Variants in RIMS2 observed in about 807,000 individuals in gnomAD.
The protein encoded by RIMS2 is regulating synaptic membrane exocytosis 2.
RIMS2 carries 59 observed loss-of-function variants against 174.4 expected under a neutral mutation model. The ratio of observed to expected loss-of-function variants is 0.34; its 90% confidence interval spans 0.27 to 0.42. The LOEUF (loss-of-function observed/expected upper bound fraction) is 0.42, where lower values mean the gene tolerates loss of function less well. Ranked by LOEUF, RIMS2 falls within the 10% of genes least tolerant of loss-of-function variation. The pLI, the probability that RIMS2 is intolerant of heterozygous loss-of-function variation, is 1.00. For synonymous variants in RIMS2, 606 were observed against 572.5 expected (o/e 1.06, Z -0.84); for missense variants, 1,620 against 1,666.3 (o/e 0.97, Z 0.48).
chr8:104,207,649 C>A (rs1012532895), intron 19 of RIMS2, among the ~76,000 whole-genome samples: 1 of 151,410 alleles, frequency 6.6e-6, no homozygotes, highest in Non-Finnish European at 1.5e-5. Flanking sequence ...CTACTAAAAA[C>A]ACACACACAC....
At chr8:104,017,530 T>G (rs1181744317) in intron 19 of RIMS2, among the ~76,000 whole-genome samples, 2 of 152,172 alleles carry the variant, frequency 1.3e-5, no homozygotes, top group Non-Finnish European at 2.9e-5. Context: ...CTAACTTTTA[T>G]GTACTGCCAT....
chr8:103,720,946 T>C (rs1194452176), intron 2 of RIMS2, among the ~76,000 whole-genome samples: 1 of 152,210 alleles, frequency 6.6e-6, no homozygotes, highest in Admixed American at 6.5e-5. Flanking sequence ...GGTCTTGATA[T>C]GATTCGGATT....
intron 1 of RIMS2, among the ~76,000 whole-genome samples, chr8:103,605,801 G>T (rs71638157): frequency 6.6e-6 from 1 of 151,964 alleles, no homozygotes; most frequent in Non-Finnish European, 1.5e-5. Flanking sequence ...GGTGTTTGTA[G>T]TATTCTCTGA....
At chr8:103,952,630 T>C (rs1311240583) in intron 14 of RIMS2, among the ~76,000 whole-genome samples, 1 of 152,088 alleles carries the variant, frequency 6.6e-6, no homozygotes, top group Non-Finnish European at 1.5e-5. Context: ...AGACCAAAGA[T>C]AGATAAATCC....
rs563538593 is a variant in RIMS2, at chr8:103,982,491, C to CAAA, written c.2928-6801_2928-6799dup. Among the ~76,000 whole-genome samples the CAAA allele has an allele frequency of 1.8e-3, 235 of 127,922 alleles. 2 individuals carry two copies. The South Asian group carries it at 0.023, about 12-fold the overall frequency. 83.9% of individuals were successfully genotyped at this position (127,922 alleles called of 152,430 possible). A position where few individuals can be genotyped will look rare whatever the true frequency, so the allele number is the denominator to read the frequency against. On this transcript the variant is annotated intron_variant, in intron 16 of 23. Coordinates refer to ENST00000504942, the Ensembl canonical transcript of RIMS2. ...TCTAATGAATATTGATGCAGAAATC[C>CAAA]AAAAAAAAAAAAAAATACTAGCAAA...
intron 14 of RIMS2, among the ~76,000 whole-genome samples, chr8:103,952,393 A>G (rs2085700274): frequency 6.6e-6 from 1 of 152,174 alleles, no homozygotes; most frequent in Non-Finnish European, 1.5e-5. Context: ...CCCCTCTGGG[A>G]CAAAGCTTCC....
chr8:103,812,756 T>G (rs1352757875), intron 3 of RIMS2, among the ~76,000 whole-genome samples: 1 of 152,168 alleles, frequency 6.6e-6, no homozygotes, highest in Non-Finnish European at 1.5e-5. Context: ...TATTTTTTGC[T>G]TATATGTTAT....
At chr8:103,792,100 C>G (rs992150135) in intron 3 of RIMS2, among the ~76,000 whole-genome samples, 2 of 152,148 alleles carry the variant, frequency 1.3e-5, no homozygotes, top group African/African-American at 4.8e-5. Flanking sequence ...GTCTCCACCC[C>G]AAATCAACAG....
At chr8:103,777,387 C>T (rs973891009) in intron 3 of RIMS2, among the ~76,000 whole-genome samples, 1 of 151,838 alleles carries the variant, frequency 6.6e-6, no homozygotes, top group Non-Finnish European at 1.5e-5. Context: ...CTTTCCAAAA[C>T]ATTTTCACTG....
At chr8:104,118,251 A>C (rs1030815779) in intron 19 of RIMS2, among the ~76,000 whole-genome samples, 1 of 152,102 alleles carries the variant, frequency 6.6e-6, no homozygotes, top group Non-Finnish European at 1.5e-5. Context: ...ACTTATAAGA[A>C]GTATATAAGA....
intron 1 of RIMS2, among the ~76,000 whole-genome samples, chr8:103,606,903 G>A (rs367846303): frequency 0.12 from 18,410 of 150,870 alleles, 1,213 homozygotes; most frequent in Middle Eastern, 0.22. Context: ...GTCTCTGCAC[G>A]TGAGATGGGT....
intron 1 of RIMS2, chr8:103,501,419 C>T (rs964267400): frequency 6.4e-6 from 1 of 156,908 alleles, no homozygotes; most frequent in Admixed American, 6.5e-5. Context: ...TCCCGCCGCG[C>T]TGAGGCAGTG....
intron 19 of RIMS2, among the ~76,000 whole-genome samples, chr8:104,106,852 C>T (rs1012418790): frequency 9.2e-5 from 14 of 151,932 alleles, no homozygotes; most frequent in African/African-American, 1.2e-4. Flanking sequence ...TACAGAAGTT[C>T]GAATTTTATA....
chr8:104,251,878 C>A (rs1391367779), downstream of RIMS2: 7 of 744,130 alleles, frequency 9.4e-6, no homozygotes, highest in African/African-American at 1.1e-4. Flanking sequence ...AAAAAAAAAT[C>A]ACAGGTTGCA....
At chr8:103,639,831 T>C (rs558841303) in intron 1 of RIMS2, among the ~76,000 whole-genome samples, 13 of 152,076 alleles carry the variant, frequency 8.5e-5, no homozygotes, top group African/African-American at 3.1e-4. Context: ...CTAGGTCTTT[T>C]GCCTTTTAAT....
chr8:103,826,995 A>G (rs1170372591), intron 3 of RIMS2, among the ~76,000 whole-genome samples: 3 of 151,996 alleles, frequency 2.0e-5, no homozygotes, highest in Admixed American at 2.0e-4. Context: ...TTTTATAATC[A>G]CTTTGTTAAT....
chr8:103,933,184 T>A (rs1396612681), intron 12 of RIMS2, among the ~76,000 whole-genome samples: 3 of 151,830 alleles, frequency 2.0e-5, no homozygotes, highest in Admixed American at 2.0e-4. Flanking sequence ...TCCCAGCTAC[T>A]CGGGAGGCTG....
intron 2 of RIMS2, among the ~76,000 whole-genome samples, chr8:103,743,889 T>C (rs574570464): frequency 4.6e-5 from 7 of 151,796 alleles, no homozygotes; most frequent in African/African-American, 1.7e-4. Context: ...TTAAATGCTT[T>C]TTCTTCATTG....
At chr8:103,646,780 CAG>C (rs1467409534) in intron 1 of RIMS2, among the ~76,000 whole-genome samples, 3 of 151,990 alleles carry the variant, frequency 2.0e-5, no homozygotes, top group African/African-American at 7.2e-5. Context: ...CATCTGCAAA[CAG>C]AGATAATTTG....
Sources: allele counts gnomAD v4.1 joint callset (sites outside exome capture counted in the v4.1 genomes callset), GRCh38; gene constraint gnomAD v4.1.1; transcripts MANE v1.5; gene names NCBI Gene and HGNC (gene_info 2026-07-23, HGNC 2026-07-21).